Variants in ROR2 observed in about 807,000 individuals in gnomAD.
ROR2 encodes the protein tyrosine-protein kinase transmembrane receptor ROR2.
In ROR2, 33 loss-of-function variants were observed where a neutral mutation model predicts 74.9. The observed-to-expected ratio is 0.44, with a 90% confidence interval of 0.33 to 0.59. ROR2 has a LOEUF of 0.59. Among genes scored for constraint, ROR2 ranks in the 20% least tolerant of loss-of-function variants. The pLI is 0.02. For synonymous variants in ROR2, 586 were observed against 558.7 expected (o/e 1.05, Z -0.69); for missense variants, 1,216 against 1,313.8 (o/e 0.93, Z 1.15).
intron 2 of ROR2, 83 bp downstream of exon 2, chr9:91,775,654 GCCTT>G: frequency 7.9e-7 from 1 of 1,273,876 alleles, no homozygotes; most frequent in Non-Finnish European, 1.1e-6. Flanking sequence ...GACCCCCAGC[GCCTT>G]CCTTCAGGCA....
intron 1 of ROR2, among the ~76,000 whole-genome samples, chr9:91,926,054 G>A (rs1317927206): frequency 6.6e-6 from 1 of 151,324 alleles, no homozygotes; most frequent in Admixed American, 6.6e-5. Context: ...GACCAGCCTG[G>A]CCAACATGGC....
chr9:91,798,658 TC>T (rs370350321), intron 1 of ROR2, among the ~76,000 whole-genome samples: 343 of 121,434 alleles, frequency 2.8e-3, no homozygotes, highest in East Asian at 0.01. Flanking sequence ...CACCCTGGGC[TC>T]TGTGGGTGGG....
chr9:91,928,816 G>A (rs927489339), intron 1 of ROR2, among the ~76,000 whole-genome samples: 1 of 152,234 alleles, frequency 6.6e-6, no homozygotes, highest in African/African-American at 2.4e-5. Flanking sequence ...GTTCAGTGGT[G>A]TCAATCATGC....
intron 1 of ROR2, among the ~76,000 whole-genome samples, chr9:91,877,279 C>T (rs1057067831): frequency 2.0e-5 from 3 of 152,184 alleles, no homozygotes; most frequent in African/African-American, 7.2e-5. Context: ...TCCAACCTCA[C>T]TCACCACCAT....
At position 91,890,649 on chromosome 9, in the gene ROR2, T is replaced by C. The variant is rs192209501; in HGVS notation, c.97+59218A>G. On this transcript the variant is annotated intron_variant, in intron 1 of 8. Coordinates refer to ENST00000375708, the MANE Select transcript of ROR2 (RefSeq NM_004560.4). ...TTTCAATAGTTGTCAGTTGATTCCC[T>C]TGAATTTTCCAGTTTATTACCTACA... is the stretch of plus-strand genomic sequence containing the variant. Among the ~76,000 whole-genome samples the C allele has an allele frequency of 2.3e-3, 357 of 152,358 alleles. 1 individual carries two copies. Among genetic ancestry groups the C allele is most frequent in the African/African-American group, 8.2e-3 (343 of 41,590 alleles).
chr9:91,866,469 G>A (rs1285250623), intron 1 of ROR2, among the ~76,000 whole-genome samples: 1 of 142,530 alleles, frequency 7.0e-6, no homozygotes, highest in African/African-American at 2.7e-5. Flanking sequence ...CCAGGCTGGA[G>A]TGCAGTGGCA....
chr9:91,885,265 G>C (rs1295095982), intron 1 of ROR2, among the ~76,000 whole-genome samples: 1 of 151,878 alleles, frequency 6.6e-6, no homozygotes, highest in African/African-American at 2.4e-5. Flanking sequence ...AGAGCAAAGG[G>C]CACCGGAAAA....
intron 1 of ROR2, among the ~76,000 whole-genome samples, chr9:91,795,719 A>C (rs1251163489): frequency 6.6e-6 from 1 of 152,184 alleles, no homozygotes; most frequent in Non-Finnish European, 1.5e-5. Flanking sequence ...TCATGGCATC[A>C]TGTCATGGGT....
intron 2 of ROR2, 88 bp downstream of exon 2, chr9:91,775,653 C>G: frequency 8.0e-7 from 1 of 1,248,908 alleles, no homozygotes. Context: ...GGACCCCCAG[C>G]GCCTTCCTTC....
At chr9:91,826,794 AG>A (rs55672900) in intron 1 of ROR2, among the ~76,000 whole-genome samples, 29,522 of 127,284 alleles carry the variant, frequency 0.23, 3,277 homozygotes, top group Admixed American at 0.37. Context: ...AAAAAAAAAA[AG>A]AAAAAAGAAA....
rs1355578510 is a variant in ROR2 at position 91,801,150 on chromosome 9, C to T, written c.98-25332G>A. ...CAAAGCATGGAGGAGTTTAATTGGA[C>T]ACTTCTCCATAATTAACCACCCTAG... On this transcript the variant is annotated intron_variant, in intron 1 of 8. Transcript: ENST00000375708. Among the ~76,000 whole-genome samples the T allele has an allele frequency of 2.0e-5, 3 of 152,106 alleles. No homozygotes were observed. The East Asian group carries it at 5.8e-4, about 29-fold the overall frequency.
intron 1 of ROR2, among the ~76,000 whole-genome samples, chr9:91,888,165 T>C (rs1830337060): frequency 6.6e-6 from 1 of 152,196 alleles, no homozygotes; most frequent in African/African-American, 2.4e-5. Context: ...ATCAATGCTT[T>C]TTCTAGACTT....
intron 1 of ROR2, among the ~76,000 whole-genome samples, chr9:91,804,591 C>T (rs189505394): frequency 6.6e-6 from 1 of 152,218 alleles, no homozygotes; most frequent in Non-Finnish European, 1.5e-5. Context: ...GAGCGTCATG[C>T]GGCCTGTACT....
At chr9:91,789,316 C>T (rs905298877) in intron 1 of ROR2, among the ~76,000 whole-genome samples, 3 of 152,082 alleles carry the variant, frequency 2.0e-5, no homozygotes, top group Non-Finnish European at 4.4e-5. Context: ...GTCAAGAGTC[C>T]TTCAAGATGA....
At chr9:91,740,989 G>T (rs1427434369) in intron 4 of ROR2, among the ~76,000 whole-genome samples, 1 of 152,148 alleles carries the variant, frequency 6.6e-6, no homozygotes, top group East Asian at 1.9e-4. Flanking sequence ...GATTGTCAGG[G>T]AGGAGAGAGG....
At chr9:91,732,474 G>A (rs1003588710) in intron 6 of ROR2, among the ~76,000 whole-genome samples, 5 of 152,132 alleles carry the variant, frequency 3.3e-5, no homozygotes, top group African/African-American at 1.2e-4. Context: ...CCTCCCCCAC[G>A]CTCATCCCTT....
At chr9:91,847,016 C>G (rs1828953785) in intron 1 of ROR2, among the ~76,000 whole-genome samples, 1 of 152,116 alleles carries the variant, frequency 6.6e-6, no homozygotes, top group Admixed American at 6.5e-5. Flanking sequence ...GCAGACATCA[C>G]AAGCTGAGGG....
chr9:91,816,847 T>C (rs1439067070), intron 1 of ROR2, among the ~76,000 whole-genome samples: 1 of 152,170 alleles, frequency 6.6e-6, no homozygotes, highest in African/African-American at 2.4e-5. Context: ...ACCATTGGTT[T>C]TCAGCCCCAC....
At chr9:91,845,033 C>T (rs1191244843) in intron 1 of ROR2, among the ~76,000 whole-genome samples, 1 of 152,178 alleles carries the variant, frequency 6.6e-6, no homozygotes, top group East Asian at 1.9e-4. Context: ...TGAATCCAAT[C>T]CAGCAGAGAA....
Sources: gnomAD v4.1 joint callset for allele counts (sites outside exome capture counted in the v4.1 genomes callset) on GRCh38, gnomAD v4.1.1 for gene constraint, MANE v1.5 for transcripts, NCBI Gene and HGNC (gene_info 2026-07-23, HGNC 2026-07-21) for gene names.